Variants in CCSER1 observed in about 807,000 individuals in gnomAD.
The protein encoded by CCSER1 is coiled-coil serine rich protein 1.
CCSER1 carries 41 observed loss-of-function variants against 82.0 expected under a neutral mutation model. The observed-to-expected ratio is 0.50, with a 90% CI of 0.39 to 0.65. CCSER1 has a LOEUF of 0.65. Among genes scored for constraint, CCSER1 ranks in the 30% least tolerant of loss-of-function variants. The pLI, the probability that CCSER1 is intolerant of heterozygous loss-of-function variation, is 0.00. For missense variants in CCSER1, 1,119 were observed against 1,064.2 expected (o/e 1.05, Z -0.72); for synonymous variants, 414 against 383.9 (o/e 1.08, Z -0.92).
chr4:90,737,755 A>T (rs763592491), intron 7 of CCSER1, among the ~76,000 whole-genome samples: 1 of 151,314 alleles, frequency 6.6e-6, no homozygotes, highest in Admixed American at 6.6e-5. Flanking sequence ...CATTTAGACT[A>T]TTTTCTAGAT....
At chr4:90,976,766 G>A (rs955515736) in intron 9 of CCSER1, among the ~76,000 whole-genome samples, 1 of 151,442 alleles carries the variant, frequency 6.6e-6, no homozygotes, top group African/African-American at 2.4e-5. Context: ...TAAATTATCA[G>A]CAAGTGTAGG....
intron 4 of CCSER1, among the ~76,000 whole-genome samples, chr4:90,402,040 A>G (rs572664004): frequency 6.6e-6 from 1 of 152,218 alleles, no homozygotes. Context: ...TCCCCGTCCC[A>G]GAAGAAATAA....
At chr4:90,580,427 T>C (rs10003689) in intron 5 of CCSER1, among the ~76,000 whole-genome samples, 9,728 of 152,228 alleles carry the variant, frequency 0.064, 828 homozygotes, top group African/African-American at 0.19. Context: ...GTATGCAGCG[T>C]CTGTGTGACT....
At chr4:91,244,948 A>G (rs1739647180) in intron 10 of CCSER1, among the ~76,000 whole-genome samples, 1 of 152,118 alleles carries the variant, frequency 6.6e-6, no homozygotes, top group Admixed American at 6.5e-5. Context: ...GAAATAATTT[A>G]AAAGAATCAA....
intron 8 of CCSER1, among the ~76,000 whole-genome samples, chr4:90,830,755 T>C (rs539144858): frequency 2.0e-5 from 3 of 152,234 alleles, no homozygotes; most frequent in African/African-American, 7.2e-5. Context: ...ACACCCTTCC[T>C]TTTTTCTCTA....
intron 9 of CCSER1, among the ~76,000 whole-genome samples, chr4:90,947,338 A>G (rs183601201): frequency 8.6e-4 from 131 of 152,300 alleles, no homozygotes; most frequent in Admixed American, 8.0e-3. Context: ...GGATTCCATC[A>G]TGTTTTTCAG....
At chr4:90,687,575 A>G (rs928847778) in intron 6 of CCSER1, among the ~76,000 whole-genome samples, 11 of 152,088 alleles carry the variant, frequency 7.2e-5, no homozygotes, top group African/African-American at 2.7e-4. Context: ...GTAAAGCACT[A>G]CACTTTAGAA....
At chr4:91,397,275 C>T (rs960875602) in intron 10 of CCSER1, among the ~76,000 whole-genome samples, 1 of 152,004 alleles carries the variant, frequency 6.6e-6, no homozygotes, top group African/African-American at 2.4e-5. Context: ...TCTTAGGTAG[C>T]TTCAGTGGTG....
intron 5 of CCSER1, among the ~76,000 whole-genome samples, chr4:90,622,667 T>C (rs1560830036): frequency 6.6e-6 from 1 of 152,098 alleles, no homozygotes; most frequent in Non-Finnish European, 1.5e-5. Context: ...AGTCTATCGT[T>C]GATGGACATT....
chr4:91,478,406 G>C (rs1351680098), intron 10 of CCSER1, among the ~76,000 whole-genome samples: 1 of 151,748 alleles, frequency 6.6e-6, no homozygotes, highest in African/African-American at 2.4e-5. Flanking sequence ...GTTAAATATT[G>C]TAGAAAATTG....
At chr4:90,812,149 G>A (rs563743072) in intron 7 of CCSER1, among the ~76,000 whole-genome samples, 8 of 152,016 alleles carry the variant, frequency 5.3e-5, no homozygotes, top group African/African-American at 1.9e-4. Context: ...TCCAGCACAG[G>A]AGAAATATGT....
At chr4:90,348,531 T>C (rs17016827) in intron 3 of CCSER1, among the ~76,000 whole-genome samples, 44,496 of 152,028 alleles carry the variant, frequency 0.29, 6,661 homozygotes, top group East Asian at 0.44. Context: ...TCCAGCTACA[T>C]TGTATTGCAC....
intron 9 of CCSER1, among the ~76,000 whole-genome samples, chr4:90,936,285 C>G (rs1340253731): frequency 6.6e-6 from 1 of 151,950 alleles, no homozygotes; most frequent in Non-Finnish European, 1.5e-5. Context: ...GAAGATTAAC[C>G]TATTTTGTAA....
At chr4:90,472,156 T>A (rs993478005) in intron 5 of CCSER1, among the ~76,000 whole-genome samples, 1 of 152,164 alleles carries the variant, frequency 6.6e-6, no homozygotes, top group Admixed American at 6.6e-5. Context: ...AATCATTGAG[T>A]CTTTGAAATA....
intron 8 of CCSER1, among the ~76,000 whole-genome samples, chr4:90,900,094 GTTTTTTT>G (rs70963096): frequency 2.0e-5 from 2 of 102,156 alleles, no homozygotes; most frequent in Admixed American, 2.0e-4. Flanking sequence ...TGGTCCCAGA[GTTTTTTT>G]TTTTTTTTTT....
chr4:91,409,553 T>C (rs1346037339), intron 10 of CCSER1, among the ~76,000 whole-genome samples: 1 of 152,206 alleles, frequency 6.6e-6, no homozygotes, highest in Non-Finnish European at 1.5e-5. Context: ...AACCTTTAGT[T>C]CAGTTATAAA....
intron 7 of CCSER1, among the ~76,000 whole-genome samples, chr4:90,730,494 C>G (rs888431872): frequency 1.3e-5 from 2 of 152,198 alleles, no homozygotes; most frequent in East Asian, 3.9e-4. Flanking sequence ...ATTGGTATGT[C>G]GATGTCAACA....
At chr4:90,813,260 CA>C (rs1487162100) in intron 7 of CCSER1, among the ~76,000 whole-genome samples, 2 of 152,340 alleles carry the variant, frequency 1.3e-5, no homozygotes, top group Non-Finnish European at 2.9e-5. Flanking sequence ...AGGCCTCATG[CA>C]ATTCTGAAAC....
chr4:90,600,405 G>A (rs1028660293), intron 5 of CCSER1, among the ~76,000 whole-genome samples: 7 of 152,002 alleles, frequency 4.6e-5, no homozygotes, highest in Non-Finnish European at 1.0e-4. Context: ...TTTCTTTGTG[G>A]TTTTAATTTG....
Sources: gnomAD v4.1 joint callset for allele counts (sites outside exome capture counted in the v4.1 genomes callset) on GRCh38, gnomAD v4.1.1 for gene constraint, MANE v1.5 for transcripts, NCBI Gene and HGNC (gene_info 2026-07-23, HGNC 2026-07-21) for gene names.